TMEM232: variants seen among roughly 807,000 people sequenced by gnomAD.
TMEM232 encodes transmembrane protein 232.
A neutral mutation model predicts 78.8 loss-of-function variants in TMEM232; 80 were observed. The ratio of observed to expected loss-of-function variants is 1.01; its 90% confidence interval spans 0.85 to 1.22. The LOEUF (loss-of-function observed/expected upper bound fraction) is 1.22. Ranked by LOEUF, TMEM232 falls within the 50% of genes most tolerant of loss-of-function variation. The probability of loss-of-function intolerance (pLI) is 0.00; values close to 1 mark genes in which losing one functional copy is unlikely to be tolerated. For missense variants in TMEM232, 881 were observed against 742.2 expected, an observed-to-expected ratio of 1.19 and a Z score of -2.17; for synonymous variants, 297 against 254.3, an observed-to-expected ratio of 1.17 and a Z score of -1.60.
chr5:110,457,128 G>A (rs879342546), intron 12 of TMEM232, among the ~76,000 whole-genome samples: 8 of 151,936 alleles, frequency 5.3e-5, no homozygotes, highest in Non-Finnish European at 1.2e-4. Context: ...CTCTGACAAA[G>A]GATTTATATT....
At chr5:110,573,671 A>G (rs1170626041) in intron 10 of TMEM232, among the ~76,000 whole-genome samples, 2 of 152,102 alleles carry the variant, frequency 1.3e-5, no homozygotes, top group Admixed American at 6.6e-5. Context: ...ATGACCAACA[A>G]TGACTAGAAG....
intron 12 of TMEM232, among the ~76,000 whole-genome samples, chr5:110,525,171 A>G (rs1418659958): frequency 2.0e-5 from 3 of 151,714 alleles, no homozygotes; most frequent in Non-Finnish European, 4.4e-5. Context: ...ACAATAAGAA[A>G]AAAAAAAAAG....
At chr5:110,406,846 G>T (rs142124693) in intron 2 of TMEM232, among the ~76,000 whole-genome samples, 2 of 152,084 alleles carry the variant, frequency 1.3e-5, no homozygotes, top group African/African-American at 4.8e-5. Context: ...TAGTGGAAAT[G>T]AGGTTAGATT....
At chr5:110,597,141 T>A (rs946563493) in intron 10 of TMEM232, among the ~76,000 whole-genome samples, 22 of 152,120 alleles carry the variant, frequency 1.4e-4, no homozygotes, top group Non-Finnish European at 2.9e-4. Context: ...AAAATCTCCT[T>A]AAGCTGATAA....
At chr5:110,465,532 T>C (rs1761982698) in intron 12 of TMEM232, among the ~76,000 whole-genome samples, 1 of 152,224 alleles carries the variant, frequency 6.6e-6, no homozygotes, top group South Asian at 2.1e-4. Context: ...GTTTATTTGA[T>C]AAAAATTTTG....
At chr5:110,643,519 T>G (rs1455048155) in intron 2 of TMEM232, among the ~76,000 whole-genome samples, 1 of 152,002 alleles carries the variant, frequency 6.6e-6, no homozygotes, top group African/African-American at 2.4e-5. Flanking sequence ...ACAATAAGGA[T>G]GTACCACAAA....
intron 1 of TMEM232, among the ~76,000 whole-genome samples, chr5:110,671,805 T>G (rs796729155): frequency 5.9e-5 from 9 of 152,230 alleles, no homozygotes; most frequent in African/African-American, 2.2e-4. Context: ...GATGATGGGT[T>G]GATGGGTGCA....
chr5:110,650,286 C>T (rs1031983008), intron 2 of TMEM232, among the ~76,000 whole-genome samples: 1 of 151,916 alleles, frequency 6.6e-6, no homozygotes, highest in African/African-American at 2.4e-5. Context: ...TCTAAATTTT[C>T]TTCTAATAAA....
intron 5 of TMEM232, among the ~76,000 whole-genome samples, chr5:110,635,029 A>C (rs963970917): frequency 6.6e-6 from 1 of 152,102 alleles, no homozygotes; most frequent in African/African-American, 2.4e-5. Context: ...CCACAGAAGT[A>C]CAAAAGATCA....
chr5:110,549,583 G>A (rs1434156941), intron 11 of TMEM232, among the ~76,000 whole-genome samples: 1 of 132,458 alleles, frequency 7.5e-6, no homozygotes, highest in African/African-American at 2.8e-5. Context: ...TCTAGCATAG[G>A]CAACAGCGCA....
At chr5:110,542,232 A>G (rs1042829484) in intron 11 of TMEM232, among the ~76,000 whole-genome samples, 11 of 152,182 alleles carry the variant, frequency 7.2e-5, no homozygotes, top group African/African-American at 2.7e-4. Flanking sequence ...AGGCTGGATA[A>G]TAGTAGCCAT....
intron 12 of TMEM232, among the ~76,000 whole-genome samples, chr5:110,470,174 C>T (rs779465537): frequency 1.3e-5 from 2 of 152,118 alleles, no homozygotes; most frequent in African/African-American, 4.8e-5. Flanking sequence ...TGCAGCTGTA[C>T]CGTGCTCCCT....
At chr5:110,693,579 C>G (rs1794396795) in intron 1 of TMEM232, among the ~76,000 whole-genome samples, 1 of 152,136 alleles carries the variant, frequency 6.6e-6, no homozygotes, top group African/African-American at 2.4e-5. Flanking sequence ...GAATGGCTAA[C>G]TAGAATAACC....
chr5:110,464,757 T>A (rs985692238), intron 12 of TMEM232, among the ~76,000 whole-genome samples: 1 of 152,276 alleles, frequency 6.6e-6, no homozygotes, highest in Admixed American at 6.5e-5. Flanking sequence ...ACCATAGCAT[T>A]TGGAAAGACC....
At chr5:110,606,386 AT>A in intron 8 of TMEM232, 99 bp from the exon 9 acceptor site, 4 of 1,171,474 alleles carry the variant, frequency 3.4e-6, no homozygotes, top group Non-Finnish European at 4.6e-6. Flanking sequence ...GAGGAAATGC[AT>A]GTCTGCATTA....
At chr5:110,452,380 T>C (rs543335401) in intron 12 of TMEM232, among the ~76,000 whole-genome samples, 26 of 152,322 alleles carry the variant, frequency 1.7e-4, no homozygotes, top group Middle Eastern at 3.4e-3. Context: ...TACAATTTTA[T>C]TTGAAGAATC....
chr5:110,396,310 A>G (rs1414518757), intron 3 of TMEM232, among the ~76,000 whole-genome samples: 1 of 152,156 alleles, frequency 6.6e-6, no homozygotes, highest in East Asian at 1.9e-4. Flanking sequence ...GGGGATTACA[A>G]TTCAACATGA....
intron 12 of TMEM232, among the ~76,000 whole-genome samples, chr5:110,458,390 GC>G (rs1342168762): frequency 6.6e-6 from 1 of 151,962 alleles, no homozygotes; most frequent in Non-Finnish European, 1.5e-5. Context: ...TAACAATCTG[GC>G]AGGGGGCTTA....
At chr5:110,657,954 CAATT>C (rs1181322753) in intron 2 of TMEM232, among the ~76,000 whole-genome samples, 6 of 152,018 alleles carry the variant, frequency 3.9e-5, no homozygotes, top group African/African-American at 1.4e-4. Context: ...TTTCAAATAA[CAATT>C]AATATGGCTT....
Sources: gnomAD v4.1 joint callset for allele counts (sites outside exome capture counted in the v4.1 genomes callset) on GRCh38, gnomAD v4.1.1 for gene constraint, MANE v1.5 for transcripts, NCBI Gene and HGNC (gene_info 2026-07-23, HGNC 2026-07-21) for gene names.